LRP1B: variants seen among roughly 807,000 people sequenced by gnomAD.
LRP1B encodes LDL receptor related protein 1B.
A neutral mutation model predicts 556.6 loss-of-function variants in LRP1B; 217 were observed. The ratio of observed to expected loss-of-function variants is 0.39; its 90% confidence interval spans 0.35 to 0.44. The LOEUF is 0.44. LRP1B is among the 20% of genes least tolerant of loss of function. The pLI is 1.00. For missense variants in LRP1B, 5,053 were observed against 5,620.8 expected (o/e 0.90, Z 3.23); for synonymous variants, 2,047 against 1,865.8 (o/e 1.10, Z -2.50).
intron 31 of LRP1B, among the ~76,000 whole-genome samples, chr2:140,830,188 A>G (rs1691666111): frequency 6.6e-6 from 1 of 152,080 alleles, no homozygotes; most frequent in African/African-American, 2.4e-5. Context: ...ACATTTAAAT[A>G]AGAACTAATG....
chr2:141,892,995 T>G (rs759373690), intron 1 of LRP1B, among the ~76,000 whole-genome samples: 8 of 152,154 alleles, frequency 5.3e-5, no homozygotes, highest in Non-Finnish European at 8.8e-5. Context: ...TAATCTTAAT[T>G]TATATTTTTT....
chr2:141,893,612 C>A (rs1699354924), intron 1 of LRP1B, among the ~76,000 whole-genome samples: 2 of 152,178 alleles, frequency 1.3e-5, no homozygotes, highest in East Asian at 3.9e-4. Flanking sequence ...TAGCTATTGC[C>A]AAATGGATGA....
intron 41 of LRP1B, among the ~76,000 whole-genome samples, chr2:140,685,610 TGAC>T (rs1686018992): frequency 6.6e-6 from 1 of 152,176 alleles, no homozygotes. Flanking sequence ...TTCCCTTCCC[TGAC>T]GAACAGTTCT....
chr2:140,832,201 T>C (rs1691742169), intron 31 of LRP1B, among the ~76,000 whole-genome samples: 1 of 152,180 alleles, frequency 6.6e-6, no homozygotes, highest in African/African-American at 2.4e-5. Context: ...AAAACCCACA[T>C]ATTTGGAGGG....
Position 140,233,138 on chromosome 2 carries a change from A to G in LRP1B, c.*48T>C. On this transcript the variant is annotated 3_prime_UTR_variant, in exon 91 of 91. Coordinates refer to ENST00000389484, the MANE Select transcript of LRP1B (RefSeq NM_018557.3). Reference sequence around the variant, plus strand: ...TAATACTGTTGGAACATACAAAAGTAATCCTTATATTTTATACATTTATAC... The same window carrying G: ...TAATACTGTTGGAACATACAAAAGTGATCCTTATATTTTATACATTTATAC... 3.2e-6 allele frequency: 4 copies of G among 1,249,378 alleles called. No individual in the cohort carries two copies. The highest frequency in any genetic ancestry group is 3.3e-6 in the Non-Finnish European group (3 of 905,014). 77.4% of individuals were successfully genotyped at this position (1,249,378 alleles called of 1,614,324 possible). A position where few individuals can be genotyped will look rare whatever the true frequency, so the allele number is the denominator to read the frequency against.
intron 7 of LRP1B, among the ~76,000 whole-genome samples, chr2:141,114,325 C>A (rs1574086645): frequency 6.6e-6 from 1 of 152,334 alleles, no homozygotes; most frequent in East Asian, 1.9e-4. Flanking sequence ...ACACCCTGCT[C>A]TCTTGGTACC....
At chr2:141,401,936 A>C (rs1282117329) in intron 3 of LRP1B, among the ~76,000 whole-genome samples, 1 of 152,142 alleles carries the variant, frequency 6.6e-6, no homozygotes, top group Non-Finnish European at 1.5e-5. Context: ...GCAGTTTTTC[A>C]AATTTTTAAG....
chr2:140,640,376 C>T (rs1471939259), intron 41 of LRP1B, among the ~76,000 whole-genome samples: 2 of 118,132 alleles, frequency 1.7e-5, no homozygotes, highest in Admixed American at 1.0e-4. Flanking sequence ...TTCCCTTGTC[C>T]TGTTTTCTTT....
At chr2:140,594,586 T>C (rs1574120264) in intron 43 of LRP1B, among the ~76,000 whole-genome samples, 1 of 152,130 alleles carries the variant, frequency 6.6e-6, no homozygotes. Flanking sequence ...CACTTTAAAA[T>C]CAATTAACTT....
Position 140,354,219 on chromosome 2 carries a change from T to G in LRP1B, c.11531-1147A>C, listed in dbSNP as rs1257374063. On this transcript the variant is annotated intron_variant, in intron 75 of 90. Coordinates refer to ENST00000389484, the MANE Select transcript of LRP1B (RefSeq NM_018557.3). ...TGTGAGATAAATCCTTCCCTTGAAT[T>G]AGAGAACTTAAGAATCAGCACAGTA... 6.6e-5 allele frequency among the ~76,000 whole-genome samples: 10 copies of G among 152,120 alleles called. No homozygotes were observed. The East Asian group carries it at 1.5e-3, about 24-fold the overall frequency.
At chr2:140,698,256 T>C (rs1375902874) in intron 41 of LRP1B, among the ~76,000 whole-genome samples, 3 of 152,040 alleles carry the variant, frequency 2.0e-5, no homozygotes, top group Admixed American at 2.0e-4. Context: ...TAATTTTCAG[T>C]CTTTTTGATC....
chr2:141,660,140 T>C (rs355571), intron 2 of LRP1B, among the ~76,000 whole-genome samples: 119,870 of 151,540 alleles, frequency 0.79, 47,879 homozygotes, highest in Non-Finnish European at 0.85. Flanking sequence ...CAGGTTCTCT[T>C]GCTGGGATTG....
At chr2:140,834,302 C>T (rs1014334261) in intron 31 of LRP1B, among the ~76,000 whole-genome samples, 1 of 152,184 alleles carries the variant, frequency 6.6e-6, no homozygotes, top group Non-Finnish European at 1.5e-5. Flanking sequence ...TACAGTGGCA[C>T]GATCTCGGCT....
chr2:141,744,366 T>A (rs936611587), intron 2 of LRP1B, among the ~76,000 whole-genome samples: 1 of 152,206 alleles, frequency 6.6e-6, no homozygotes, highest in African/African-American at 2.4e-5. Context: ...TTTATTTTTA[T>A]TTTTTGGAAT....
intron 7 of LRP1B, among the ~76,000 whole-genome samples, chr2:141,096,687 A>AGAGAGAGG (rs1700330471): frequency 8.5e-6 from 1 of 117,580 alleles, no homozygotes; most frequent in African/African-American, 3.0e-5. Context: ...AGAGAGAGAG[A>AGAGAGAGG]GAGAAAATAA....
Position 140,385,909 on chromosome 2 carries a change from T to G in LRP1B, c.10515A>C (p.Ser3505=). 6.2e-7 allele frequency: 1 copy of G among 1,609,746 alleles called. No homozygotes were observed. The highest frequency in any genetic ancestry group is 1.3e-5 in the African/African-American group (1 of 74,964). ...GTTACTTACTACAGTTTTCTTCATC[T>G]GAATTATCACTGCAGTCATTTTGGC... The part of the protein sequence containing the change: ...CDSQNDCSDN[S]DEENCKPQTC... The change falls in exon 67 of 91, where the codon TCA becomes TCC. Residue 3505 remains serine, a synonymous_variant. Transcript: ENST00000389484.
intron 21 of LRP1B, among the ~76,000 whole-genome samples, chr2:140,910,755 C>T (rs1278595973): frequency 6.6e-6 from 1 of 151,726 alleles, no homozygotes; most frequent in East Asian, 1.9e-4. Flanking sequence ...ATCCTTCCTA[C>T]TCTATTAGAT....
intron 2 of LRP1B, among the ~76,000 whole-genome samples, chr2:141,501,470 A>G (rs1210828162): frequency 6.6e-6 from 1 of 152,154 alleles, no homozygotes; most frequent in Non-Finnish European, 1.5e-5. Context: ...CCAGTGTCCA[A>G]TCAAGAAGTT....
chr2:140,448,768 C>CA (rs748313947), intron 63 of LRP1B, among the ~76,000 whole-genome samples: 4 of 151,958 alleles, frequency 2.6e-5, no homozygotes, highest in South Asian at 4.1e-4. Context: ...ATTCTCATCA[C>CA]AAAAAAGCTA....
Sources: allele counts gnomAD v4.1 joint callset (sites outside exome capture counted in the v4.1 genomes callset), GRCh38; gene constraint gnomAD v4.1.1; transcripts MANE v1.5; gene names NCBI Gene and HGNC (gene_info 2026-07-23, HGNC 2026-07-21).